Variants in UGP2 observed in about 807,000 individuals in gnomAD.
The protein encoded by UGP2 is UTP--glucose-1-phosphate uridylyltransferase.
Under a neutral mutation model 49.0 loss-of-function variants are expected in UGP2, and 40 were observed. The observed-to-expected ratio is 0.82, with a 90% CI of 0.63 to 1.06. The LOEUF (loss-of-function observed/expected upper bound fraction) is 1.06. Ranked by LOEUF, UGP2 falls within the 50% of genes least tolerant of loss-of-function variation. The pLI, the probability that UGP2 is intolerant of heterozygous loss-of-function variation, is 0.00. For missense variants in UGP2, 460 were observed against 603.5 expected, an observed-to-expected ratio of 0.76 and a Z score of 2.49; for synonymous variants, 225 against 213.0, an observed-to-expected ratio of 1.06 and a Z score of -0.49.
intron 1 of UGP2, among the ~76,000 whole-genome samples, chr2:63,842,927 C>G (rs530461384): frequency 3.3e-5 from 5 of 152,300 alleles, no homozygotes; most frequent in African/African-American, 1.2e-4. Context: ...GGTGTACTCA[C>G]TGAAATTGGT....
intron 2 of UGP2, 177 bp from the exon 3 acceptor site, chr2:63,857,652 A>C (rs1669537157): frequency 2.9e-5 from 20 of 681,764 alleles, no homozygotes; most frequent in South Asian, 2.7e-4. Flanking sequence ...GGCATGCACC[A>C]ACTACGCCCA....
At chr2:63,844,547 G>T (rs1366674745) in intron 1 of UGP2, among the ~76,000 whole-genome samples, 2 of 152,076 alleles carry the variant, frequency 1.3e-5, no homozygotes, top group African/African-American at 4.8e-5. Context: ...TTCACAGCTT[G>T]TATAAAGCAC....
intron 6 of UGP2, 148 bp downstream of exon 6, chr2:63,886,034 TAATA>T (rs544352884): frequency 1.1e-4 from 113 of 993,070 alleles, no homozygotes; most frequent in Admixed American, 5.5e-4. Context: ...CATAAATCCA[TAATA>T]AATAGTATCA....
intron 1 of UGP2, among the ~76,000 whole-genome samples, chr2:63,853,833 A>G (rs957740075): frequency 2.6e-5 from 4 of 152,174 alleles, no homozygotes; most frequent in African/African-American, 9.7e-5. Context: ...TTTAGTTCCT[A>G]TGAACAGGAA....
chr2:63,887,354 G>A, intron 7 of UGP2, 48 bp from the exon 8 acceptor site: 2 of 1,607,386 alleles, frequency 1.2e-6, no homozygotes, highest in Non-Finnish European at 1.7e-6. Flanking sequence ...CTAAGTTGTA[G>A]GTGCCTAAAA....
At chr2:63,878,303 TGTGA>T (rs1276513957) in intron 3 of UGP2, among the ~76,000 whole-genome samples, 3 of 152,194 alleles carry the variant, frequency 2.0e-5, no homozygotes, top group Admixed American at 2.0e-4. Flanking sequence ...AGGTGAAAAG[TGTGA>T]GTGAAACACT....
chr2:63,847,894 T>C (rs1241071437), intron 1 of UGP2, among the ~76,000 whole-genome samples: 1 of 152,246 alleles, frequency 6.6e-6, no homozygotes, highest in Non-Finnish European at 1.5e-5. Context: ...TGGCTTGGCT[T>C]GGGCTCAGAG....
chr2:63,841,170 C>A (rs898916135), upstream of UGP2: 1 of 152,046 alleles, frequency 6.6e-6, no homozygotes, highest in African/African-American at 2.4e-5. Context: ...TTTCAGCCTG[C>A]GAGCCTTCTT....
At chr2:63,844,991 A>G (rs1349313387) in intron 1 of UGP2, among the ~76,000 whole-genome samples, 1 of 152,246 alleles carries the variant, frequency 6.6e-6, no homozygotes, top group East Asian at 1.9e-4. Flanking sequence ...GGGCAAAGAT[A>G]ATATTATATC....
chr2:63,884,044 C>T lies in UGP2; in HGVS notation c.526C>T (p.Gln176Ter), dbSNP rs760161480. ...NTDEDTKKILQKYNHCRVKIY... is the reference protein window; with the variant it reads ...NTDEDTKKIL ...GGATGAAGATACCAAAAAAATACTACAGAAGTACAATCATTGTCGTGTGAA... is the reference window on the plus strand; with the variant it reads ...GGATGAAGATACCAAAAAAATACTATAGAAGTACAATCATTGTCGTGTGAA... The change falls in exon 5 of 10, where the codon CAG becomes TAG. Residue 176 changes from glutamine to a stop codon, truncating the protein, a stop_gained. Coordinates refer to ENST00000337130, the MANE Select transcript of UGP2 (RefSeq NM_006759.4). LOFTEE classifies it high-confidence loss of function. The T allele has an allele frequency of 6.2e-7, 1 of 1,613,136 alleles. No homozygotes were observed. The highest frequency in any genetic ancestry group is 1.1e-5 in the South Asian group (1 of 90,972).
rs796801739 is a variant in UGP2, at chr2:63,881,738, A to T, written c.256-728A>T. ...GCTCACAGAAATAGATGAGGATGCT[A>T]GGGAGAAGATTGAGTTGGGATTTTC... is the stretch of plus-strand genomic sequence containing the variant. On this transcript the variant is annotated intron_variant, in intron 3 of 9. Coordinates refer to ENST00000337130, the MANE Select transcript of UGP2 (RefSeq NM_006759.4). Among the ~76,000 whole-genome samples, 6 of 152,350 alleles carry T rather than the reference A, an allele frequency of 3.9e-5. 1 individual carries two copies. The highest frequency in any genetic ancestry group is 1.4e-4 in the African/African-American group (6 of 41,588).
chr2:63,843,565 G>T (rs1471323289), intron 1 of UGP2, among the ~76,000 whole-genome samples: 1 of 152,200 alleles, frequency 6.6e-6, no homozygotes, highest in African/African-American at 2.4e-5. Context: ...TTATGCTTTA[G>T]AATAGGTTGC....
At chr2:63,856,821 C>T (rs543250580) in intron 2 of UGP2, 1 of 458,870 alleles carries the variant, frequency 2.2e-6, no homozygotes, top group African/African-American at 2.0e-5. Flanking sequence ...GCTACTTTGA[C>T]AATTGTCATA....
intron 3 of UGP2, among the ~76,000 whole-genome samples, chr2:63,867,329 C>G (rs1252359812): frequency 6.6e-6 from 1 of 152,168 alleles, no homozygotes; most frequent in African/African-American, 2.4e-5. Flanking sequence ...CTCATTACTC[C>G]TTAACCATGT....
chr2:63,858,906 T>A (rs190626633), intron 3 of UGP2, among the ~76,000 whole-genome samples: 1 of 102,824 alleles, frequency 9.7e-6, no homozygotes, highest in South Asian at 3.7e-4. Context: ...GAAACACTTA[T>A]AACTTTTGCT....
rs758391186 is a variant in UGP2 at position 63,882,531 on chromosome 2, A to T, written c.321A>T (p.Lys107Asn). Reference sequence around the variant, plus strand: ...ATAATATATCTTCCGTGTTGAACAAACTAGTGGTGGTGAAACTCAATGGTG... The same window carrying T: ...ATAATATATCTTCCGTGTTGAACAATCTAGTGGTGGTGAAACTCAATGGTG... ...LPDNISSVLN[K>N]LVVVKLNGGL... Residue 107 changes from lysine to asparagine, a missense_variant, in exon 4 of 10, where the codon AAA becomes AAT. By Grantham distance (94) the Lys-to-Asn change is moderately conservative. This residue lies in a region of UGP2 where 143 missense variants were observed against 130.4 expected (regional missense o/e 1.10). Coordinates refer to ENST00000337130, the MANE Select transcript of UGP2 (RefSeq NM_006759.4). 1 of 1,613,284 alleles carries T rather than the reference A, an allele frequency of 6.2e-7. No individual in the cohort carries two copies. Among genetic ancestry groups the T allele is most frequent in the African/African-American group, 1.3e-5 (1 of 74,916 alleles).
chr2:63,890,911 CAG>C (rs1330757063), intron 9 of UGP2, among the ~76,000 whole-genome samples: 1 of 151,978 alleles, frequency 6.6e-6, no homozygotes, highest in Admixed American at 6.6e-5. Context: ...AACAAGGAGA[CAG>C]AGAATCTAGA....
At chr2:63,849,596 G>A (rs1055432097) in intron 1 of UGP2, among the ~76,000 whole-genome samples, 1 of 152,234 alleles carries the variant, frequency 6.6e-6, no homozygotes, top group Non-Finnish European at 1.5e-5. Flanking sequence ...CAGTAAGAAA[G>A]TATTATTCTA....
At chr2:63,877,270 G>C (rs1289542548) in intron 3 of UGP2, among the ~76,000 whole-genome samples, 1 of 152,200 alleles carries the variant, frequency 6.6e-6, no homozygotes, top group Non-Finnish European at 1.5e-5. Flanking sequence ...TGCTAGTATT[G>C]AATGTGCTGA....
Sources: gnomAD v4.1 joint callset for allele counts (sites outside exome capture counted in the v4.1 genomes callset) on GRCh38, gnomAD v4.1.1 for gene constraint, gnomAD v4.1.1 regional missense constraint, MANE v1.5 for transcripts, NCBI Gene and HGNC (gene_info 2026-07-23, HGNC 2026-07-21) for gene names.